The following FARP1 variants were observed in gnomAD, a reference collection of about 807,000 sequenced individuals.
FARP1 encodes the protein FERM, ARH/RhoGEF and pleckstrin domain protein 1.
A neutral mutation model predicts 128.8 loss-of-function variants in FARP1; 52 were observed. The ratio of observed to expected loss-of-function variants is 0.40; its 90% confidence interval spans 0.32 to 0.51. The LOEUF (loss-of-function observed/expected upper bound fraction) is 0.51. Among genes scored for constraint, FARP1 ranks in the 20% least tolerant of loss-of-function variants. The pLI is 0.45. For missense variants in FARP1, 1,333 were observed against 1,367.9 expected (o/e 0.97, Z 0.40); for synonymous variants, 580 against 551.8 (o/e 1.05, Z -0.72).
At chr13:98,231,723 C>T (rs949984596) in intron 2 of FARP1, among the ~76,000 whole-genome samples, 7 of 152,144 alleles carry the variant, frequency 4.6e-5, no homozygotes, top group Admixed American at 6.5e-5. Context: ...CCACCACACC[C>T]GGCCTCATTT....
chr13:98,305,787 C>G (rs540151394), intron 2 of FARP1, among the ~76,000 whole-genome samples: 2 of 152,304 alleles, frequency 1.3e-5, no homozygotes, highest in African/African-American at 4.8e-5. Context: ...TGTTGACGTT[C>G]CCCTGGTCCA....
chr13:98,223,592 C>A (rs185198344), intron 2 of FARP1, among the ~76,000 whole-genome samples: 67 of 152,298 alleles, frequency 4.4e-4, no homozygotes, highest in African/African-American at 1.5e-3. Flanking sequence ...TCCCAAAGTC[C>A]TGGAATTACA....
At chr13:98,429,410 T>C (rs1474318040) in intron 17 of FARP1, among the ~76,000 whole-genome samples, 2 of 152,068 alleles carry the variant, frequency 1.3e-5, no homozygotes, top group East Asian at 1.9e-4. Context: ...TTGAGTGGCA[T>C]TGCAGAAAGT....
At chr13:98,439,062 C>A in intron 20 of FARP1, 45 bp from the exon 21 acceptor site, 1 of 1,519,952 alleles carries the variant, frequency 6.6e-7, no homozygotes, top group Non-Finnish European at 9.1e-7. Context: ...GGGAAGCCTG[C>A]TGTCCAAACG....
chr13:98,316,690 C>T (rs1886736549), intron 2 of FARP1, among the ~76,000 whole-genome samples: 1 of 152,218 alleles, frequency 6.6e-6, no homozygotes, highest in South Asian at 2.1e-4. Flanking sequence ...CACTGCGTTG[C>T]AAGCATGTGT....
chr13:98,440,249 G>C lies in FARP1; in HGVS notation c.2629+14G>C. ...CCCCTGACAACAGTGAGTGTGGCCA[G>C]GGCAGCTTTCCCATGCAGGGGTCTG... On this transcript the variant is annotated intron_variant, in intron 23 of 26. Transcript: ENST00000319562. The C allele has an allele frequency of 6.3e-7, 1 of 1,595,412 alleles. No individual in the cohort carries two copies. Among genetic ancestry groups the C allele is most frequent in the Non-Finnish European group, 8.6e-7 (1 of 1,163,282 alleles).
intron 2 of FARP1, among the ~76,000 whole-genome samples, chr13:98,262,129 CT>C (rs1185990606): frequency 6.6e-6 from 1 of 151,262 alleles, no homozygotes; most frequent in African/African-American, 2.4e-5. Context: ...GATTTTCCAG[CT>C]TCAACCTCCC....
At chr13:98,348,809 G>GAGTA (rs748078051) in intron 3 of FARP1, among the ~76,000 whole-genome samples, 19 of 152,226 alleles carry the variant, frequency 1.2e-4, no homozygotes, top group Non-Finnish European at 2.4e-4. Flanking sequence ...CCAGAACAGG[G>GAGTA]AGTAGCCTGG....
At chr13:98,268,818 G>GTGTGTGTATGTA (rs901859010) in intron 2 of FARP1, among the ~76,000 whole-genome samples, 2 of 144,504 alleles carry the variant, frequency 1.4e-5, no homozygotes, top group Middle Eastern at 3.8e-3. Context: ...GTGTGTGTGT[G>GTGTGTGTATGTA]TATACAGCTT....
At chr13:98,366,714 C>T (rs955332820) in intron 4 of FARP1, among the ~76,000 whole-genome samples, 4 of 152,156 alleles carry the variant, frequency 2.6e-5, no homozygotes, top group Admixed American at 2.0e-4. Context: ...TCTGAGTAGC[C>T]GCTCAGTGAA....
intron 10 of FARP1, 169 bp from the exon 11 acceptor site, chr13:98,390,643 C>T (rs531492956): frequency 3.6e-6 from 2 of 553,152 alleles, no homozygotes; most frequent in Non-Finnish European, 6.5e-6. Flanking sequence ...CTGAGTGGAC[C>T]CAAAAATACA....
chr13:98,232,140 GGTTGGTTTTT>G (rs1334464122), intron 2 of FARP1, among the ~76,000 whole-genome samples: 1 of 92,194 alleles, frequency 1.1e-5, no homozygotes, highest in African/African-American at 4.4e-5. Context: ...TTTTTTGTTT[GGTTGGTTTTT>G]TTTTTTTTTT....
intron 2 of FARP1, among the ~76,000 whole-genome samples, chr13:98,248,443 G>A (rs142814919): frequency 2.7e-3 from 407 of 152,254 alleles, no homozygotes; most frequent in African/African-American, 9.2e-3. Flanking sequence ...CCTTTTATAG[G>A]ATGGGATAGT....
In FARP1 at chr13:98,244,448, G is replaced by A. The variant is rs146316610; in HGVS notation, c.171+31035G>A. ...GTTTTTTAAAAAACAACAACAAAAA[G>A]CGCCTTTTCAAGGGAGTAGCATTTG... is the stretch of plus-strand genomic sequence containing the variant. On this transcript the variant is annotated intron_variant, in intron 2 of 26. Transcript: ENST00000319562. The A allele has an allele frequency of 1.7e-4, 272 of 1,556,048 alleles. 1 individual carries two copies. In the African/African-American group the frequency reaches 2.8e-3, roughly 16 times the overall value.
intron 2 of FARP1, among the ~76,000 whole-genome samples, chr13:98,325,870 C>T (rs556057454): frequency 1.9e-4 from 29 of 152,316 alleles, no homozygotes; most frequent in African/African-American, 5.8e-4. Flanking sequence ...GCCTGAAAGC[C>T]GCACTGTGTT....
chr13:98,179,414 A>G (rs1405017242), intron 1 of FARP1, among the ~76,000 whole-genome samples: 3 of 152,190 alleles, frequency 2.0e-5, no homozygotes, highest in African/African-American at 7.2e-5. Context: ...TAGCCAAACC[A>G]TATCAGTGTC....
intron 2 of FARP1, among the ~76,000 whole-genome samples, chr13:98,238,102 G>A (rs1882535849): frequency 6.6e-6 from 1 of 152,174 alleles, no homozygotes; most frequent in Admixed American, 6.5e-5. Flanking sequence ...TTAGAAAAAG[G>A]TTTGACTTAA....
intron 2 of FARP1, among the ~76,000 whole-genome samples, chr13:98,295,228 G>T (rs554783335): frequency 2.6e-5 from 4 of 152,082 alleles, no homozygotes; most frequent in African/African-American, 7.2e-5. Flanking sequence ...GTATACCTTG[G>T]TGCTCTTTTG....
intron 16 of FARP1, among the ~76,000 whole-genome samples, chr13:98,422,894 G>T (rs1891644277): frequency 6.6e-6 from 1 of 152,162 alleles, no homozygotes; most frequent in Admixed American, 6.5e-5. Context: ...GAGGGACAGA[G>T]CTAATAGGAT....
Sources: gnomAD v4.1 joint callset for allele counts (sites outside exome capture counted in the v4.1 genomes callset) on GRCh38, gnomAD v4.1.1 for gene constraint, MANE v1.5 for transcripts, NCBI Gene and HGNC (gene_info 2026-07-23, HGNC 2026-07-21) for gene names.